Variants in DNAAF5 observed in about 807,000 individuals in gnomAD.
DNAAF5 encodes dynein axonemal assembly factor 5.
DNAAF5 carries 64 observed loss-of-function variants against 75.8 expected under a neutral mutation model. The ratio of observed to expected loss-of-function variants is 0.84; its 90% CI spans 0.69 to 1.04. DNAAF5 has a LOEUF of 1.04. Ranked by LOEUF, DNAAF5 falls within the 50% of genes least tolerant of loss-of-function variation. The pLI is 0.00. For missense variants in DNAAF5, 1,269 were observed against 1,178.5 expected (o/e 1.08, Z -1.12); for synonymous variants, 657 against 557.2 (o/e 1.18, Z -2.52).
chr7:726,895 G>C lies in DNAAF5; in HGVS notation c.175G>C (p.Glu59Gln). The change falls in exon 1 of 13, where the codon GAG (glutamate) becomes CAG (glutamine). Residue 59 changes from glutamate to glutamine, a missense_variant. Transcript: ENST00000297440. ...ALEALRRALEEPGPAADPTAF... is the reference protein window; with the variant it reads ...ALEALRRALEQPGPAADPTAF... ...GGAGGCCCTGCGGCGCGCGCTGGAG[G>C]AGCCAGGCCCTGCCGCCGACCCCAC... 2 of 1,335,224 alleles carry C rather than the reference G, an allele frequency of 1.5e-6. No individual in the cohort carries two copies. Among genetic ancestry groups the C allele is most frequent in the Non-Finnish European group, 1.9e-6 (2 of 1,044,012 alleles). 82.7% of individuals were successfully genotyped at this position (1,335,224 alleles called of 1,614,324 possible). A position where few individuals can be genotyped will look rare whatever the true frequency, so the allele number is the denominator to read the frequency against.
At chr7:753,258 A>G (rs1782364842) in intron 4 of DNAAF5, among the ~76,000 whole-genome samples, 1 of 152,212 alleles carries the variant, frequency 6.6e-6, no homozygotes, top group Admixed American at 6.5e-5. Flanking sequence ...AGGAGCGGGC[A>G]CTAAACTGGC....
chr7:754,590 G>A lies in DNAAF5; in HGVS notation c.1026G>A (p.Glu342=). ...TCTTCTTTCCCTTTTTCGTTCCAGAGCGCCGCCCTGTGCTGGGCTGCCGGG... is the reference window on the plus strand; with the variant it reads ...TCTTCTTTCCCTTTTTCGTTCCAGAACGCCGCCCTGTGCTGGGCTGCCGGG... ...PPTPPHYPPH[E]RRPVLGCREL... Residue 342 remains glutamate (E), a splice_region_variant and synonymous_variant, in exon 5 of 13, where the codon GAG becomes GAA. Transcript: ENST00000297440. This position sits in a 1 kb window ranked among gnomAD's most constrained non-coding sequence, Gnocchi z 4.8. 6.2e-7 allele frequency: 1 copy of A among 1,611,158 alleles called. No homozygotes were observed. The highest frequency in any genetic ancestry group is 1.1e-5 in the South Asian group (1 of 90,784).
At chr7:779,002 C>T (rs1231413061) in intron 11 of DNAAF5, among the ~76,000 whole-genome samples, 1 of 152,268 alleles carries the variant, frequency 6.6e-6, no homozygotes, top group African/African-American at 2.4e-5. Flanking sequence ...GGCCCAGCAC[C>T]CTCAGGGCCC....
chr7:773,919 C>A, intron 9 of DNAAF5, 129 bp from the exon 10 acceptor site: 1 of 993,490 alleles, frequency 1.0e-6, no homozygotes, highest in South Asian at 1.4e-5. Flanking sequence ...GGAGGAGGGG[C>A]CTCGTGTTTT....
chr7:730,679 T>C (rs1475825819), intron 2 of DNAAF5, among the ~76,000 whole-genome samples: 1 of 152,160 alleles, frequency 6.6e-6, no homozygotes, highest in Non-Finnish European at 1.5e-5. Flanking sequence ...TAGCACCTGC[T>C]CAGGACACCC....
chr7:766,705 G>A (rs1024012955), intron 8 of DNAAF5, among the ~76,000 whole-genome samples: 2 of 152,034 alleles, frequency 1.3e-5, no homozygotes, highest in African/African-American at 2.4e-5. Context: ...TCTGATGATA[G>A]AGGCTGAGGC....
At chr7:730,132 T>C (rs1356913663) in intron 2 of DNAAF5, among the ~76,000 whole-genome samples, 1 of 152,172 alleles carries the variant, frequency 6.6e-6, no homozygotes, top group Non-Finnish European at 1.5e-5. Flanking sequence ...TGCAGAAGGT[T>C]CCTTAGTGCT....
chr7:757,065 G>A, intron 6 of DNAAF5, 71 bp downstream of exon 6: 1 of 1,444,770 alleles, frequency 6.9e-7, no homozygotes, highest in East Asian at 2.4e-5. Context: ...CCATCGTAAT[G>A]ACATGTCTGT....
intron 4 of DNAAF5, among the ~76,000 whole-genome samples, chr7:743,330 A>G (rs1781979217): frequency 6.6e-6 from 1 of 152,020 alleles, no homozygotes. Context: ...AGCTATGACC[A>G]CACCCCTGCA....
intron 3 of DNAAF5, 102 bp from the exon 4 acceptor site, chr7:741,244 CT>C: frequency 1.2e-6 from 1 of 860,266 alleles, no homozygotes; most frequent in East Asian, 2.7e-5. Context: ...GCTTCCCGCT[CT>C]CACGCAATGG....
chr7:782,507 G>A lies in DNAAF5; in HGVS notation c.2431+2363G>A, dbSNP rs1273597351. On this transcript the variant is annotated intron_variant, in intron 12 of 12. Transcript: ENST00000297440. ...GATCTTCCCGGCGTGGCCGCGTCCC[G>A]TCACGCGGCGTCAGAAACTCGCATC... is the stretch of plus-strand genomic sequence containing the variant. 2.2e-4 allele frequency among the ~76,000 whole-genome samples: 31 copies of A among 138,622 alleles called. 5 individuals are homozygous for A. Among genetic ancestry groups the A allele is most frequent in the African/African-American group, 9.0e-4 (31 of 34,556 alleles). The allele number at this position is 138,622 out of a possible 152,430, so 90.9% of individuals were successfully genotyped here. A position where few individuals can be genotyped will look rare whatever the true frequency, so the allele number is the denominator to read the frequency against.
chr7:780,037 A>G lies in DNAAF5; in HGVS notation c.2324A>G (p.Lys775Arg), dbSNP rs574013110. 1.2e-5 allele frequency: 19 copies of G among 1,614,200 alleles called. No individual in the cohort carries two copies. Among genetic ancestry groups the G allele is most frequent in the African/African-American group, 2.7e-5 (2 of 75,048 alleles). The change falls in exon 12 of 13, where the codon AAG (lysine) becomes AGG (arginine). Residue 775 changes from lysine (K) to arginine (R), a missense_variant. By Grantham distance (26) the Lys-to-Arg change is conservative. Coordinates refer to ENST00000297440, the MANE Select transcript of DNAAF5 (RefSeq NM_017802.4). ...TTGGTCACCTGGCTGCAGTGTGTCAAGGGTGCCAACGCAAAATCCTACTAT... is the reference window on the plus strand; with the variant it reads ...TTGGTCACCTGGCTGCAGTGTGTCAGGGGTGCCAACGCAAAATCCTACTAT... ...STLVTWLQCV[K>R]GANAKSYYQS... is the part of the protein sequence containing the mutation.
At position 786,277 on chromosome 7, in the gene DNAAF5, C is replaced by T. The variant is rs540296584; in HGVS notation, c.*624C>T. ...TTCATGAGATCTAATTGTGGTTGCC[C>T]CTATAGGTAGCAGGAAAGTAAAGTT... On this transcript the variant is annotated 3_prime_UTR_variant, in exon 13 of 13. Coordinates refer to ENST00000297440, the MANE Select transcript of DNAAF5 (RefSeq NM_017802.4). 5.9e-5 allele frequency: 9 copies of T among 152,244 alleles called. No individual in the cohort carries two copies. The East Asian group carries it at 1.7e-3, about 29-fold the overall frequency. The allele number at this position is 152,244 out of a possible 1,614,324, so 9.4% of individuals were successfully genotyped here.
At chr7:780,886 T>A (rs1183480327) in intron 12 of DNAAF5, among the ~76,000 whole-genome samples, 5 of 149,420 alleles carry the variant, frequency 3.3e-5, no homozygotes, top group South Asian at 2.2e-4. Context: ...TTCTTTTTTT[T>A]AATAAAATTT....
At chr7:728,765 G>C (rs1781455238) in intron 1 of DNAAF5, among the ~76,000 whole-genome samples, 2 of 152,148 alleles carry the variant, frequency 1.3e-5, no homozygotes. Flanking sequence ...GTTGCTGTGG[G>C]GTGAGGGACT....
intron 12 of DNAAF5, 152 bp downstream of exon 12, chr7:780,296 C>T: frequency 1.5e-6 from 1 of 657,016 alleles, no homozygotes; most frequent in Non-Finnish European, 2.6e-6. Context: ...TCTTGGCAAA[C>T]CCTGAGAGCG....
rs539006600 is a variant in DNAAF5 at position 783,719 on chromosome 7, A to G, written c.2432-1798A>G. Among the ~76,000 whole-genome samples the G allele has an allele frequency of 7.2e-5, 11 of 152,152 alleles. No individual in the cohort carries two copies. In the South Asian group the frequency reaches 2.3e-3, roughly 32 times the overall value. ...CCTGCCAGATCCACGCAACGCCCCC[A>G]GCTCCCCACACTCCCTGGCAAATCC... On this transcript the variant is annotated intron_variant, in intron 12 of 12. Coordinates refer to ENST00000297440, the MANE Select transcript of DNAAF5 (RefSeq NM_017802.4).
intron 4 of DNAAF5, among the ~76,000 whole-genome samples, chr7:744,291 A>G (rs1782013707): frequency 6.6e-6 from 1 of 152,234 alleles, no homozygotes; most frequent in African/African-American, 2.4e-5. Flanking sequence ...ATGGCTGCAT[A>G]GTATTCCATG....
At chr7:767,778 T>C (rs985823883) in intron 8 of DNAAF5, among the ~76,000 whole-genome samples, 4 of 150,448 alleles carry the variant, frequency 2.7e-5, no homozygotes, top group Non-Finnish European at 4.4e-5. Context: ...GGCGGAAGTG[T>C]CCGTGCTGCC....
Sources: allele counts gnomAD v4.1 joint callset (sites outside exome capture counted in the v4.1 genomes callset), GRCh38; gene constraint gnomAD v4.1.1; non-coding constraint Gnocchi (gnomAD v3.1); transcripts MANE v1.5; gene names NCBI Gene and HGNC (gene_info 2026-07-23, HGNC 2026-07-21).